The following MAF variants were observed in gnomAD, a reference collection of about 807,000 sequenced individuals.
MAF encodes transcription factor Maf.
Under a neutral mutation model 22.0 loss-of-function variants are expected in MAF, and 10 were observed. That is an observed-to-expected ratio of 0.45 (90% confidence interval 0.28 to 0.77). The LOEUF (loss-of-function observed/expected upper bound fraction) is 0.77, where lower values mean the gene tolerates loss of function less well. Ranked by LOEUF, MAF falls within the 30% of genes least tolerant of loss-of-function variation. The probability of loss-of-function intolerance (pLI) is 0.12; values close to 1 mark genes in which losing one functional copy is unlikely to be tolerated. For synonymous variants in MAF, 337 were observed against 255.8 expected (o/e 1.32, Z -3.03); for missense variants, 544 against 548.4 (o/e 0.99, Z 0.08).
chr16:79,486,872 C>G, the MAF span, among the ~76,000 whole-genome samples: 1 of 152,328 alleles, frequency 6.6e-6, no homozygotes, highest in South Asian at 2.1e-4. Context: ...CGTAGCTACT[C>G]CATGGCCTTC....
the MAF span, among the ~76,000 whole-genome samples, chr16:79,406,982 G>A: frequency 1.3e-5 from 2 of 152,162 alleles, no homozygotes; most frequent in Non-Finnish European, 2.9e-5. Context: ...TGGAGCTGCA[G>A]GGACAGTAGG....
the MAF span, among the ~76,000 whole-genome samples, chr16:79,349,746 C>T: frequency 6.6e-6 from 1 of 152,194 alleles, no homozygotes; most frequent in Non-Finnish European, 1.5e-5. Flanking sequence ...ACACCTTTTA[C>T]ACCTGTCTTG....
At chr16:79,403,021 G>C in the MAF span, among the ~76,000 whole-genome samples, 1 of 152,172 alleles carries the variant, frequency 6.6e-6, no homozygotes, top group East Asian at 1.9e-4. Context: ...GAGCAGACCT[G>C]GGTGAAATCC....
the MAF span, among the ~76,000 whole-genome samples, chr16:79,473,914 T>C: frequency 1.3e-5 from 2 of 152,120 alleles, no homozygotes; most frequent in Non-Finnish European, 2.9e-5. Flanking sequence ...TCTCATAACG[T>C]CTCCAGGCTC....
the MAF span, among the ~76,000 whole-genome samples, chr16:79,534,270 G>C: frequency 2.0e-5 from 3 of 152,082 alleles, no homozygotes; most frequent in Non-Finnish European, 4.4e-5. Context: ...AATAAAGTTA[G>C]GTGTCACGCA....
the MAF span, among the ~76,000 whole-genome samples, chr16:79,354,058 C>T: frequency 1.7e-4 from 26 of 152,136 alleles, no homozygotes; most frequent in East Asian, 4.1e-3. Flanking sequence ...TGCAGTGGTG[C>T]CATCACGGCT....
chr16:79,532,495 C>G, the MAF span, among the ~76,000 whole-genome samples: 2 of 152,248 alleles, frequency 1.3e-5, no homozygotes, highest in Non-Finnish European at 2.9e-5. Flanking sequence ...AGGTGGTCAA[C>G]TGCTCAGTAG....
At chr16:79,460,341 C>T in the MAF span, among the ~76,000 whole-genome samples, 714 of 152,140 alleles carry the variant, frequency 4.7e-3, 5 homozygotes, top group African/African-American at 0.016. Flanking sequence ...AGGAAACTAA[C>T]GAAAAATGGA....
At chr16:79,543,439 G>C in the MAF span, among the ~76,000 whole-genome samples, 3 of 152,322 alleles carry the variant, frequency 2.0e-5, no homozygotes, top group East Asian at 1.9e-4. Context: ...CTTACACAAA[G>C]AGCATGTGGT....
At chr16:79,523,071 G>T in the MAF span, among the ~76,000 whole-genome samples, 1 of 152,124 alleles carries the variant, frequency 6.6e-6, no homozygotes, top group Non-Finnish European at 1.5e-5. Context: ...TACCCTCTAG[G>T]TATTTCTCTC....
chr16:79,321,955 G>C, the MAF span, among the ~76,000 whole-genome samples: 76,488 of 151,944 alleles, frequency 0.5, 21,436 homozygotes, highest in Non-Finnish European at 0.64. Context: ...CTTTGGACCT[G>C]GCACGGTGGC....
At chr16:79,389,141 G>C in the MAF span, among the ~76,000 whole-genome samples, 3 of 152,278 alleles carry the variant, frequency 2.0e-5, no homozygotes, top group African/African-American at 7.2e-5. Flanking sequence ...TCAACCTCTT[G>C]CCAAACTTTT....
chr16:79,403,940 T>C, the MAF span, among the ~76,000 whole-genome samples: 1 of 152,022 alleles, frequency 6.6e-6, no homozygotes, highest in Non-Finnish European at 1.5e-5. Context: ...CCTGGAAAAG[T>C]TGAGAGTTTG....
chr16:79,484,959 G>A, the MAF span, among the ~76,000 whole-genome samples: 3 of 152,220 alleles, frequency 2.0e-5, no homozygotes. Flanking sequence ...CCTGCCATTA[G>A]AAGTTCTGTG....
At chr16:79,378,628 C>T in the MAF span, among the ~76,000 whole-genome samples, 173 of 152,280 alleles carry the variant, frequency 1.1e-3, 1 homozygote, top group Non-Finnish European at 1.9e-3. Flanking sequence ...TACCCATAAT[C>T]TGACCATTTA....
At chr16:79,306,479 C>T in the MAF span, among the ~76,000 whole-genome samples, 1 of 152,150 alleles carries the variant, frequency 6.6e-6, no homozygotes, top group Non-Finnish European at 1.5e-5. Flanking sequence ...ATTGCTTGGC[C>T]TCCTGGTAGA....
the MAF span, among the ~76,000 whole-genome samples, chr16:79,517,629 C>T: frequency 1.7e-3 from 239 of 143,048 alleles, 1 homozygote; most frequent in African/African-American, 5.7e-3. Flanking sequence ...GACTGGAGTG[C>T]GATGGCAGGA....
At chr16:79,597,442 A>G in intron 1 of MAF, 1 of 1,029,248 alleles carries the variant, frequency 9.7e-7, no homozygotes, top group Non-Finnish European at 1.2e-6. Flanking sequence ...GCTTCTCGGC[A>G]ATAGCACAAT....
chr16:79,543,154 A>C, the MAF span, among the ~76,000 whole-genome samples: 1 of 152,256 alleles, frequency 6.6e-6, no homozygotes, highest in Admixed American at 6.5e-5. Context: ...AAGAGTGATA[A>C]CATAGTAATA....
Sources: gnomAD v4.1 joint callset for allele counts (sites outside exome capture counted in the v4.1 genomes callset) on GRCh38, gnomAD v4.1.1 for gene constraint, MANE v1.5 for transcripts, NCBI Gene and HGNC (gene_info 2026-07-23, HGNC 2026-07-21) for gene names.